Variants in RABGAP1L observed in about 807,000 individuals in gnomAD.
RABGAP1L encodes the protein rab GTPase-activating protein 1-like.
In RABGAP1L, 63 loss-of-function variants were observed where a neutral mutation model predicts 137.7. The ratio of observed to expected loss-of-function variants is 0.46; its 90% CI spans 0.37 to 0.56. The LOEUF is 0.56. RABGAP1L is among the 20% of genes least tolerant of loss of function. RABGAP1L has a pLI of 0.00. For missense variants in RABGAP1L, 1,095 were observed against 1,244.0 expected (o/e 0.88, Z 1.80); for synonymous variants, 431 against 433.7 (o/e 0.99, Z 0.08).
chr1:174,346,207 T>C (rs1332142786), intron 11 of RABGAP1L, among the ~76,000 whole-genome samples: 1 of 152,168 alleles, frequency 6.6e-6, no homozygotes, highest in Non-Finnish European at 1.5e-5. Context: ...TATAATTTTC[T>C]TTTTTAAATG....
chr1:174,618,895 A>G (rs1035077626), intron 13 of RABGAP1L, among the ~76,000 whole-genome samples: 5 of 152,226 alleles, frequency 3.3e-5, no homozygotes, highest in African/African-American at 1.2e-4. Context: ...ACTTTGAAAA[A>G]AATTTAGACG....
At chr1:174,870,763 A>T (rs1430569725) in intron 19 of RABGAP1L, among the ~76,000 whole-genome samples, 7 of 146,260 alleles carry the variant, frequency 4.8e-5, no homozygotes, top group African/African-American at 1.5e-4. Flanking sequence ...TTTGAGATGG[A>T]GTCTCGCTCT....
intron 13 of RABGAP1L, among the ~76,000 whole-genome samples, chr1:174,394,824 A>G (rs754143153): frequency 2.0e-5 from 3 of 152,028 alleles, no homozygotes; most frequent in Non-Finnish European, 4.4e-5. Flanking sequence ...TTTGTTCCTC[A>G]GACTATATGA....
intron 18 of RABGAP1L, among the ~76,000 whole-genome samples, chr1:174,759,928 T>TTACACTTCAACATGAGATTTGGAGGGGAC: frequency 6.6e-6 from 1 of 152,310 alleles, no homozygotes. Flanking sequence ...ACATTGGGGA[T>TTACACTTCAACATGAGATTTGGAGGGGAC]TACACTTCAA....
At chr1:174,842,268 AAGT>A (rs1344886703) in intron 19 of RABGAP1L, among the ~76,000 whole-genome samples, 2 of 152,154 alleles carry the variant, frequency 1.3e-5, no homozygotes, top group African/African-American at 2.4e-5. Context: ...CATCTCTGGG[AAGT>A]AGTGATGCCT....
chr1:174,668,184 T>C (rs549685889), intron 14 of RABGAP1L, among the ~76,000 whole-genome samples: 5 of 152,352 alleles, frequency 3.3e-5, no homozygotes, highest in African/African-American at 9.6e-5. Context: ...GGCATCATGC[T>C]GTACAGTAGA....
At chr1:174,754,529 G>T (rs987157009) in intron 18 of RABGAP1L, among the ~76,000 whole-genome samples, 2 of 151,534 alleles carry the variant, frequency 1.3e-5, no homozygotes, top group Non-Finnish European at 2.9e-5. Flanking sequence ...GTCTTATTCT[G>T]CTCACTCTGT....
chr1:174,546,764 C>T (rs950181779), intron 13 of RABGAP1L, among the ~76,000 whole-genome samples: 9 of 152,178 alleles, frequency 5.9e-5, no homozygotes, highest in Non-Finnish European at 8.8e-5. Flanking sequence ...GGCGCGGTGG[C>T]TCACGCCTGT....
chr1:174,979,996 C>A (rs906148941), intron 23 of RABGAP1L, among the ~76,000 whole-genome samples: 1 of 152,088 alleles, frequency 6.6e-6, no homozygotes, highest in African/African-American at 2.4e-5. Context: ...TGTTTTTTTG[C>A]TTATAAATTA....
At chr1:174,394,660 G>T (rs900129026) in intron 13 of RABGAP1L, among the ~76,000 whole-genome samples, 2 of 152,012 alleles carry the variant, frequency 1.3e-5, no homozygotes, top group Non-Finnish European at 2.9e-5. Flanking sequence ...ATAAGTAAAG[G>T]TAGGTGTTGG....
chr1:174,469,226 A>G (rs1467717301), intron 13 of RABGAP1L, among the ~76,000 whole-genome samples: 5 of 152,166 alleles, frequency 3.3e-5, no homozygotes, highest in African/African-American at 1.2e-4. Context: ...GTGCTTATAT[A>G]TAATTGTATA....
chr1:174,730,434 A>G (rs999815604), intron 17 of RABGAP1L, among the ~76,000 whole-genome samples: 2 of 152,198 alleles, frequency 1.3e-5, no homozygotes, highest in Non-Finnish European at 2.9e-5. Context: ...TAGCCATGTA[A>G]CCGACCTGCA....
chr1:174,401,211 A>G (rs920720829), intron 13 of RABGAP1L, among the ~76,000 whole-genome samples: 2 of 152,160 alleles, frequency 1.3e-5, no homozygotes, highest in East Asian at 1.9e-4. Flanking sequence ...AGTGCTCACT[A>G]TGCAGGAAGA....
rs1679398344 is a variant in RABGAP1L at position 174,698,194 on chromosome 1, A to G, written c.1900-1331A>G. 2.0e-5 allele frequency among the ~76,000 whole-genome samples: 3 copies of G among 152,246 alleles called. 1 individual carries two copies. The highest frequency in any genetic ancestry group is 2.0e-4 in the Admixed American group (3 of 15,286). On this transcript the variant is annotated intron_variant, in intron 15 of 25. Coordinates refer to ENST00000681986, the MANE Select transcript of RABGAP1L (RefSeq NM_001366446.1). ...GATGTTTGTATAATAGTTACATCCT[A>G]GGACATTGAATAAGTACAACTTTTT...
intron 13 of RABGAP1L, among the ~76,000 whole-genome samples, chr1:174,547,029 C>CAAAAAAAA (rs375413887): frequency 7.7e-5 from 6 of 78,236 alleles, no homozygotes; most frequent in African/African-American, 2.2e-4. Context: ...GACTCTGTCT[C>CAAAAAAAA]AAAAAAAAAA....
intron 13 of RABGAP1L, among the ~76,000 whole-genome samples, chr1:174,408,639 G>A (rs1649549973): frequency 6.6e-6 from 1 of 152,162 alleles, no homozygotes; most frequent in Admixed American, 6.5e-5. Flanking sequence ...AATCTCTAAA[G>A]CATTCCACAG....
intron 13 of RABGAP1L, chr1:174,548,285 T>C (rs1281296403): frequency 1.5e-6 from 2 of 1,314,530 alleles, no homozygotes; most frequent in Non-Finnish European, 1.9e-6. Context: ...ATAACATTAG[T>C]TAAGTTGTTT....
chr1:174,492,440 G>A (rs1188714625), intron 13 of RABGAP1L, among the ~76,000 whole-genome samples: 1 of 149,536 alleles, frequency 6.7e-6, no homozygotes, highest in African/African-American at 2.5e-5. Context: ...CCTCTGCCTC[G>A]CAGATTCAAG....
In RABGAP1L at chr1:174,409,492, G is replaced by A. The variant is rs76242041; in HGVS notation, c.1710+15347G>A. 5.8e-3 allele frequency among the ~76,000 whole-genome samples: 887 copies of A among 152,198 alleles called. 5 individuals carry two copies. Among genetic ancestry groups the A allele is most frequent in the Non-Finnish European group, 8.0e-3 (543 of 68,002 alleles). Reference sequence around the variant, plus strand: ...GAACAATATGAAATCAGTGCACCTTGAAAAAGAACAGAATAACACGATTTT... The same window carrying A: ...GAACAATATGAAATCAGTGCACCTTAAAAAAGAACAGAATAACACGATTTT... On this transcript the variant is annotated intron_variant, in intron 13 of 25. Coordinates refer to ENST00000681986, the MANE Select transcript of RABGAP1L (RefSeq NM_001366446.1).
Sources: gnomAD v4.1 joint callset for allele counts (sites outside exome capture counted in the v4.1 genomes callset) on GRCh38, gnomAD v4.1.1 for gene constraint, MANE v1.5 for transcripts, NCBI Gene and HGNC (gene_info 2026-07-23, HGNC 2026-07-21) for gene names.